MAGI2: variants seen among roughly 807,000 people sequenced by gnomAD.
MAGI2 encodes membrane associated guanylate kinase, WW and PDZ domain containing 2.
In MAGI2, 35 loss-of-function variants were observed where a neutral mutation model predicts 133.3. That is an observed-to-expected ratio of 0.26 (90% CI 0.20 to 0.35). MAGI2 has a LOEUF of 0.35. Among genes scored for constraint, MAGI2 ranks in the 10% least tolerant of loss-of-function variants. The pLI is 1.00. For synonymous variants in MAGI2, 729 were observed against 710.6 expected, an observed-to-expected ratio of 1.03 and a Z score of -0.41; for missense variants, 1,636 against 1,863.4, an observed-to-expected ratio of 0.88 and a Z score of 2.25.
chr7:79,218,859 C>T lies in MAGI2; in HGVS notation c.302-211653G>A, dbSNP rs191117374. ...ATGTATGTACAGCATGTGAGGCCTT[C>T]GCCTATGCTATTGCATTGAAAACAT... On this transcript the variant is annotated intron_variant, in intron 1 of 21. Transcript: ENST00000354212. Among the ~76,000 whole-genome samples, 190 of 152,174 alleles carry T rather than the reference C, an allele frequency of 1.2e-3. 1 individual carries two copies. The highest frequency in any genetic ancestry group is 4.0e-3 in the African/African-American group (167 of 41,470).
At chr7:79,013,182 G>C (rs1562787206) in intron 1 of MAGI2, among the ~76,000 whole-genome samples, 1 of 149,750 alleles carries the variant, frequency 6.7e-6, no homozygotes, top group African/African-American at 2.5e-5. Context: ...TTGGTAACAA[G>C]ACAACCAAAT....
intron 10 of MAGI2, among the ~76,000 whole-genome samples, chr7:78,207,391 C>T (rs986418217): frequency 2.0e-5 from 3 of 152,114 alleles, no homozygotes; most frequent in Admixed American, 6.6e-5. Context: ...TTATAATCTC[C>T]ATTTAGGGTT....
rs181813424 is a variant in MAGI2 at position 78,566,878 on chromosome 7, A to G, written c.539-45233T>C. On this transcript the variant is annotated intron_variant, in intron 3 of 21. Transcript: ENST00000354212. ...ATCAGCCTGAGAATTGAAAAACTAT[A>G]GCCTAATGCCTAAATCACAGGCTGA... Among the ~76,000 whole-genome samples, 352 of 152,286 alleles carry G rather than the reference A, an allele frequency of 2.3e-3. 1 individual carries two copies. Among genetic ancestry groups the G allele is most frequent in the Non-Finnish European group, 3.4e-3 (228 of 68,018 alleles).
intron 6 of MAGI2, among the ~76,000 whole-genome samples, chr7:78,451,499 T>C (rs1563016087): frequency 6.6e-6 from 1 of 151,946 alleles, no homozygotes. Context: ...ATGACAGAAG[T>C]AATATGAGTA....
At chr7:78,384,080 C>CT (rs934758153) in intron 6 of MAGI2, among the ~76,000 whole-genome samples, 9 of 44,034 alleles carry the variant, frequency 2.0e-4, no homozygotes, top group South Asian at 6.0e-4. Flanking sequence ...TATTTGTGCT[C>CT]TTTTTTTTTG....
chr7:78,704,248 G>T (rs78363798), intron 2 of MAGI2, among the ~76,000 whole-genome samples: 14 of 152,004 alleles, frequency 9.2e-5, no homozygotes, highest in Non-Finnish European at 1.5e-4. Context: ...CCATTAAAAA[G>T]TGAGCAAAAA....
intron 1 of MAGI2, among the ~76,000 whole-genome samples, chr7:79,157,850 GTTTTTTTT>G (rs35889003): frequency 5.9e-5 from 5 of 84,136 alleles, no homozygotes; most frequent in Non-Finnish European, 1.3e-4. Context: ...TATCTAACAA[GTTTTTTTT>G]TTTTTTTTTT....
chr7:78,379,053 T>C (rs1481311385), intron 6 of MAGI2, among the ~76,000 whole-genome samples: 1 of 151,536 alleles, frequency 6.6e-6, no homozygotes, highest in Non-Finnish European at 1.5e-5. Flanking sequence ...TTAAAAGCCA[T>C]CCTAAGTACC....
At chr7:78,524,374 A>T (rs753191126) in intron 3 of MAGI2, among the ~76,000 whole-genome samples, 4 of 152,128 alleles carry the variant, frequency 2.6e-5, no homozygotes, top group South Asian at 2.1e-4. Context: ...GAGCTTTATT[A>T]AAAAAAACTG....
At chr7:78,727,116 T>C (rs1820899465) in intron 2 of MAGI2, among the ~76,000 whole-genome samples, 2 of 152,170 alleles carry the variant, frequency 1.3e-5, no homozygotes, top group Non-Finnish European at 2.9e-5. Flanking sequence ...TGTTCTGACA[T>C]CTGGCAGCAA....
chr7:78,282,596 G>GA (rs906733305), intron 9 of MAGI2, among the ~76,000 whole-genome samples: 1 of 151,726 alleles, frequency 6.6e-6, no homozygotes, highest in Admixed American at 6.6e-5. Flanking sequence ...TAAGTTTCAG[G>GA]AAAAAAAGAC....
At chr7:78,646,841 C>G (rs420581) in intron 2 of MAGI2, among the ~76,000 whole-genome samples, 19,023 of 152,060 alleles carry the variant, frequency 0.13, 1,496 homozygotes, top group East Asian at 0.42. Flanking sequence ...ACATTCTTTT[C>G]AAAAGTATTG....
intron 2 of MAGI2, among the ~76,000 whole-genome samples, chr7:78,975,606 C>G (rs1804176415): frequency 6.6e-6 from 1 of 151,474 alleles, no homozygotes; most frequent in South Asian, 2.1e-4. Flanking sequence ...CTAAATTTCT[C>G]TCCTTAGGAA....
At chr7:78,363,379 G>C (rs1793032142) in intron 7 of MAGI2, among the ~76,000 whole-genome samples, 1 of 152,154 alleles carries the variant, frequency 6.6e-6, no homozygotes, top group Admixed American at 6.5e-5. Context: ...TGTAGTCCCA[G>C]CTACTCGGGA....
At chr7:78,265,053 C>T (rs1793863788) in intron 9 of MAGI2, among the ~76,000 whole-genome samples, 1 of 151,662 alleles carries the variant, frequency 6.6e-6, no homozygotes, top group Non-Finnish European at 1.5e-5. Context: ...TCTGTGTGAC[C>T]CAGTGCAGAT....
At chr7:78,633,631 G>A (rs1232747780) in intron 2 of MAGI2, among the ~76,000 whole-genome samples, 1 of 150,838 alleles carries the variant, frequency 6.6e-6, no homozygotes, top group South Asian at 2.1e-4. Flanking sequence ...GCGTGAACCC[G>A]GAAGGCGGAG....
At chr7:78,236,982 A>G (rs1363669327) in intron 10 of MAGI2, among the ~76,000 whole-genome samples, 2 of 152,164 alleles carry the variant, frequency 1.3e-5, no homozygotes, top group South Asian at 2.1e-4. Flanking sequence ...GAGACTTACT[A>G]TCACAAGAAC....
Position 79,199,534 on chromosome 7 carries a change from C to G in MAGI2, c.302-192328G>C, listed in dbSNP as rs1046662956. On this transcript the variant is annotated intron_variant, in intron 1 of 21. Transcript: ENST00000354212. ...AAAGGCAAATGGTTGGTCTGGGATT[C>G]AAAGCTAGAGATTTTCTAAAAGCAC... is the stretch of plus-strand genomic sequence containing the variant. 3.3e-5 allele frequency among the ~76,000 whole-genome samples: 5 copies of G among 152,052 alleles called. No individual in the cohort carries two copies. The East Asian group carries it at 9.7e-4, about 29-fold the overall frequency.
chr7:78,557,080 C>CAAAAAAAAAAAAAAAAAAAAAAAA lies in MAGI2; in HGVS notation c.539-35436_539-35435insTTTTTTTTTTTTTTTTTTTTTTTT, dbSNP rs796371005. Among the ~76,000 whole-genome samples the CAAAAAAAAAAAAAAAAAAAAAAAA allele has an allele frequency of 1.0e-3, 41 of 40,876 alleles. 1 individual carries two copies. The highest frequency in any genetic ancestry group is 2.1e-3 in the African/African-American group (18 of 8,604). The allele number at this position is 40,876 out of a possible 152,430, so 26.8% of individuals were successfully genotyped here. A position where few individuals can be genotyped will look rare whatever the true frequency, so the allele number is the denominator to read the frequency against. The stretch of plus-strand genomic sequence containing the variant: ...TACTCCAGCCTGGGTGGCAGAGTCT[C>CAAAAAAAAAAAAAAAAAAAAAAAA]AAAAAAAAAAAAAAAAAAAAGAAAA... On this transcript the variant is annotated intron_variant, in intron 3 of 21. Coordinates refer to ENST00000354212, the MANE Select transcript of MAGI2 (RefSeq NM_012301.4).
Sources: allele counts gnomAD v4.1 joint callset (sites outside exome capture counted in the v4.1 genomes callset), GRCh38; gene constraint gnomAD v4.1.1; transcripts MANE v1.5; gene names NCBI Gene and HGNC (gene_info 2026-07-23, HGNC 2026-07-21).